Variants in PTPRO observed in about 807,000 individuals in gnomAD.
The protein encoded by PTPRO is receptor-type tyrosine-protein phosphatase O.
PTPRO carries 62 observed loss-of-function variants against 145.2 expected under a neutral mutation model. The ratio of observed to expected loss-of-function variants is 0.43; its 90% confidence interval spans 0.35 to 0.53. The LOEUF (loss-of-function observed/expected upper bound fraction) is 0.53. Ranked by LOEUF, PTPRO falls within the 20% of genes least tolerant of loss-of-function variation. PTPRO has a pLI of 0.01. For synonymous variants in PTPRO, 565 were observed against 514.7 expected, an observed-to-expected ratio of 1.10 and a Z score of -1.32; for missense variants, 1,345 against 1,482.7, an observed-to-expected ratio of 0.91 and a Z score of 1.53.
In PTPRO at chr12:15,589,469, G is replaced by T; in HGVS notation, c.3425G>T (p.Arg1142Leu). Residue 1142 changes from arginine (R) to leucine (L), a missense_variant, in exon 25 of 27, where the codon CGG (arginine) becomes CTG (leucine). By Grantham distance (102) the Arg-to-Leu change is moderately radical. This residue lies in a region of PTPRO where 208 missense variants were observed against 242.8 expected (regional missense o/e 0.86). Coordinates refer to ENST00000281171, the MANE Select transcript of PTPRO (RefSeq NM_030667.3). Reference protein sequence around the residue: ...MIIHCSAGVGRTGTFIALDRL... With the variant: ...MIIHCSAGVGLTGTFIALDRL... Reference sequence around the variant, plus strand: ...TTCTTTTGCAGTGCTGGCGTGGGACGGACAGGAACATTCATTGCCCTGGAC... The same window carrying T: ...TTCTTTTGCAGTGCTGGCGTGGGACTGACAGGAACATTCATTGCCCTGGAC... 6.2e-7 allele frequency: 1 copy of T among 1,614,042 alleles called. No homozygotes were observed. Among genetic ancestry groups the T allele is most frequent in the Non-Finnish European group, 8.5e-7 (1 of 1,179,988 alleles).
intron 1 of PTPRO, among the ~76,000 whole-genome samples, chr12:15,334,586 A>G (rs1006913643): frequency 6.6e-6 from 1 of 152,194 alleles, no homozygotes; most frequent in Non-Finnish European, 1.5e-5. Flanking sequence ...ATCTATATCC[A>G]TAGTCTATTA....
rs772201493 is a variant in PTPRO at position 15,322,828 on chromosome 12, C to T, written c.75+27C>T. Reference sequence around the variant, plus strand: ...TAGGGGAGCTCCTCCACCCCTTTTTCCCAGCGGTCCGGGCGGCAGCCGCGC... The same window carrying T: ...TAGGGGAGCTCCTCCACCCCTTTTTTCCAGCGGTCCGGGCGGCAGCCGCGC... On this transcript the variant is annotated intron_variant, in intron 1 of 26. Transcript: ENST00000281171. This position sits in a 1 kb window ranked among gnomAD's most constrained non-coding sequence, Gnocchi z 6.3. The T allele has an allele frequency of 1.3e-5, 21 of 1,604,168 alleles. 1 individual carries two copies. The highest frequency in any genetic ancestry group is 5.5e-5 in the South Asian group (5 of 90,092).
chr12:15,359,360 A>G (rs191018437), intron 1 of PTPRO, among the ~76,000 whole-genome samples: 17 of 141,582 alleles, frequency 1.2e-4, no homozygotes, highest in Non-Finnish European at 1.6e-5. Context: ...TATTAGATTC[A>G]TTTTCAGATA....
intron 19 of PTPRO, among the ~76,000 whole-genome samples, chr12:15,574,500 C>A (rs1471269067): frequency 6.6e-6 from 1 of 152,150 alleles, no homozygotes; most frequent in Non-Finnish European, 1.5e-5. Flanking sequence ...CTGCAAAGAT[C>A]AAAACAAAAC....
intron 1 of PTPRO, among the ~76,000 whole-genome samples, chr12:15,405,758 T>G (rs1172781116): frequency 1.3e-5 from 2 of 152,212 alleles, no homozygotes; most frequent in East Asian, 3.8e-4. Flanking sequence ...AGTTAATTAT[T>G]ACATACTGAA....
chr12:15,496,973 T>C (rs1450280267), intron 2 of PTPRO, among the ~76,000 whole-genome samples: 2 of 152,182 alleles, frequency 1.3e-5, no homozygotes, highest in Non-Finnish European at 2.9e-5. Flanking sequence ...GATGGAGATA[T>C]TTTATTTGCT....
rs149809140 is a variant in PTPRO, at chr12:15,502,057, C to A, written c.1099C>A (p.Arg367=). ...TGATGGGTTCCATATCCATATTGAA[C>A]GAGAAGGTAAAGCAGTAGGAAATCA... ...AFDGFHIHIE[R]EENFTEYLMV... Residue 367 remains arginine (R), a synonymous_variant, in exon 5 of 27, where the codon CGA becomes AGA. Coordinates refer to ENST00000281171, the MANE Select transcript of PTPRO (RefSeq NM_030667.3). 139 of 1,608,486 alleles carry A rather than the reference C, an allele frequency of 8.6e-5. No individual in the cohort carries two copies. The African/African-American group carries it at 1.7e-3, about 20-fold the overall frequency.
At chr12:15,513,159 AAGAAAGAAAG>A (rs1942491926) in intron 7 of PTPRO, among the ~76,000 whole-genome samples, 1 of 22,166 alleles carries the variant, frequency 4.5e-5, no homozygotes, top group African/African-American at 1.8e-4. Flanking sequence ...AAGAAAGAAA[AAGAAAGAAAG>A]AAAGAAAGAA....
chr12:15,591,044 C>T (rs2135674059), intron 25 of PTPRO, among the ~76,000 whole-genome samples: 1 of 152,260 alleles, frequency 6.6e-6, no homozygotes, highest in Admixed American at 6.5e-5. Flanking sequence ...ATTGTCTCCT[C>T]AATTTACTTA....
Position 15,413,514 on chromosome 12 carries a change from A to C in PTPRO, c.76-70460A>C, listed in dbSNP as rs184917198. 1.5e-4 allele frequency among the ~76,000 whole-genome samples: 23 copies of C among 152,306 alleles called. No homozygotes were observed. The East Asian group carries it at 4.4e-3, about 29-fold the overall frequency. ...ACTTTAAGATCAAAAAAAGATTTTA[A>C]GATATTTTAAAAGATGGAGGCCAGG... On this transcript the variant is annotated intron_variant, in intron 1 of 26. Transcript: ENST00000281171.
chr12:15,556,040 G>A (rs1565425967), intron 15 of PTPRO, among the ~76,000 whole-genome samples: 2 of 152,108 alleles, frequency 1.3e-5, no homozygotes, highest in South Asian at 2.1e-4. Flanking sequence ...TGATGGTTTG[G>A]TACCTACTTT....
intron 5 of PTPRO, among the ~76,000 whole-genome samples, chr12:15,502,364 TG>T (rs1201639105): frequency 6.6e-6 from 1 of 152,194 alleles, no homozygotes; most frequent in Non-Finnish European, 1.5e-5. Flanking sequence ...ACATCATATT[TG>T]GAAATATTTT....
chr12:15,396,387 C>G (rs1488484965), intron 1 of PTPRO, among the ~76,000 whole-genome samples: 1 of 151,960 alleles, frequency 6.6e-6, no homozygotes, highest in Non-Finnish European at 1.5e-5. Context: ...GTATCATTAA[C>G]TGATAAAAAC....
intron 10 of PTPRO, among the ~76,000 whole-genome samples, chr12:15,523,974 T>A (rs1447061774): frequency 6.6e-6 from 1 of 151,682 alleles, no homozygotes; most frequent in African/African-American, 2.4e-5. Flanking sequence ...ATCTTCTAAT[T>A]TTTTTGTAGA....
chr12:15,341,585 T>C (rs192839987), intron 1 of PTPRO, among the ~76,000 whole-genome samples: 393 of 152,350 alleles, frequency 2.6e-3, no homozygotes, highest in Non-Finnish European at 4.2e-3. Context: ...ATGATAATTT[T>C]TGAAGGAACA....
intron 17 of PTPRO, 52 bp downstream of exon 17, chr12:15,560,328 C>A: frequency 7.3e-7 from 1 of 1,361,366 alleles, no homozygotes; most frequent in Non-Finnish European, 1.0e-6. Context: ...AGTTAGCTTT[C>A]AAGAAGTAAA....
intron 16 of PTPRO, among the ~76,000 whole-genome samples, chr12:15,557,755 A>T (rs1015798007): frequency 1.3e-5 from 2 of 152,056 alleles, no homozygotes; most frequent in Non-Finnish European, 2.9e-5. Context: ...AATACTAAAC[A>T]AGGGACTGAA....
At chr12:15,342,925 A>T (rs1304702427) in intron 1 of PTPRO, among the ~76,000 whole-genome samples, 2 of 152,190 alleles carry the variant, frequency 1.3e-5, no homozygotes, top group African/African-American at 2.4e-5. Flanking sequence ...CTATTCAGGT[A>T]TGTGTACCAG....
intron 12 of PTPRO, among the ~76,000 whole-genome samples, chr12:15,541,035 T>C (rs1326303497): frequency 6.6e-6 from 1 of 152,220 alleles, no homozygotes; most frequent in Non-Finnish European, 1.5e-5. Flanking sequence ...CCTATATCTA[T>C]ACCTCATTTT....
Sources: allele counts gnomAD v4.1 joint callset (sites outside exome capture counted in the v4.1 genomes callset), GRCh38; gene constraint gnomAD v4.1.1; regional missense constraint gnomAD v4.1.1; non-coding constraint Gnocchi (gnomAD v3.1); transcripts MANE v1.5; gene names NCBI Gene and HGNC (gene_info 2026-07-23, HGNC 2026-07-21).